Variants in EYS observed in about 807,000 individuals in gnomAD.
EYS encodes the protein protein eyes shut homolog.
A neutral mutation model predicts 282.1 loss-of-function variants in EYS; 250 were observed. That is an observed-to-expected ratio of 0.89 (90% CI 0.80 to 0.98). The LOEUF (loss-of-function observed/expected upper bound fraction) is 0.98, where lower values mean the gene tolerates loss of function less well. Among genes scored for constraint, EYS ranks in the 50% least tolerant of loss-of-function variants. The pLI is 0.00. For synonymous variants in EYS, 1,355 were observed against 1,282.9 expected, an observed-to-expected ratio of 1.06 and a Z score of -1.20; for missense variants, 4,016 against 3,709.0, an observed-to-expected ratio of 1.08 and a Z score of -2.15.
intron 2 of EYS, among the ~76,000 whole-genome samples, chr6:65,620,111 A>G (rs1218159895): frequency 1.3e-5 from 2 of 152,170 alleles, no homozygotes; most frequent in Non-Finnish European, 2.9e-5. Flanking sequence ...ATTGATTGGA[A>G]TAGTTTCAGA....
intron 5 of EYS, among the ~76,000 whole-genome samples, chr6:65,409,268 CA>C (rs1562160586): frequency 6.6e-6 from 1 of 152,114 alleles, no homozygotes; most frequent in Non-Finnish European, 1.5e-5. Flanking sequence ...TAAGATTATG[CA>C]AATAGAGTTA....
intron 29 of EYS, among the ~76,000 whole-genome samples, chr6:64,334,129 GA>G (rs1320295808): frequency 2.0e-5 from 3 of 152,132 alleles, no homozygotes; most frequent in African/African-American, 7.2e-5. Flanking sequence ...AAGCTTTATA[GA>G]CAATTCCTCT....
intron 24 of EYS, among the ~76,000 whole-genome samples, chr6:64,596,065 G>C (rs1052031442): frequency 6.6e-6 from 1 of 151,982 alleles, no homozygotes; most frequent in Non-Finnish European, 1.5e-5. Flanking sequence ...GAGCAACAAA[G>C]AGAGAGAGAG....
At chr6:65,080,289 G>C (rs898096617) in intron 12 of EYS, among the ~76,000 whole-genome samples, 1 of 152,086 alleles carries the variant, frequency 6.6e-6, no homozygotes, top group African/African-American at 2.4e-5. Context: ...CAGTGTGAAT[G>C]ATCTGGAAAG....
chr6:65,172,988 A>C (rs1002846347), intron 12 of EYS, among the ~76,000 whole-genome samples: 5 of 151,230 alleles, frequency 3.3e-5, no homozygotes, highest in Admixed American at 6.6e-5. Context: ...AATTTAAAAA[A>C]AAAAAAACTT....
intron 41 of EYS, among the ~76,000 whole-genome samples, chr6:63,757,026 A>G (rs1372703420): frequency 6.6e-6 from 1 of 152,122 alleles, no homozygotes; most frequent in East Asian, 1.9e-4. Context: ...AAAGAACAGA[A>G]TAACAGCAAT....
At chr6:63,890,488 AAT>A (rs1773379063) in intron 35 of EYS, among the ~76,000 whole-genome samples, 1 of 152,048 alleles carries the variant, frequency 6.6e-6, no homozygotes, top group East Asian at 1.9e-4. Flanking sequence ...CAACCTCCTG[AAT>A]GACTACTGGG....
chr6:65,215,122 A>G (rs2150254851), intron 12 of EYS, among the ~76,000 whole-genome samples: 1 of 152,234 alleles, frequency 6.6e-6, no homozygotes, highest in East Asian at 1.9e-4. Flanking sequence ...AGTAATTATA[A>G]CTTTCAATAT....
intron 26 of EYS, among the ~76,000 whole-genome samples, chr6:64,565,430 A>AC (rs1765534593): frequency 6.6e-6 from 1 of 152,132 alleles, no homozygotes; most frequent in Non-Finnish European, 1.5e-5. Flanking sequence ...ATGGAATACT[A>AC]GTTTTTTTAA....
At chr6:63,861,779 T>C (rs1465522138) in intron 36 of EYS, among the ~76,000 whole-genome samples, 1 of 152,194 alleles carries the variant, frequency 6.6e-6, no homozygotes, top group Non-Finnish European at 1.5e-5. Context: ...GTCCCTTCCA[T>C]GTGAGGACAC....
chr6:63,799,888 G>A (rs914473496), intron 37 of EYS, among the ~76,000 whole-genome samples: 4 of 152,208 alleles, frequency 2.6e-5, no homozygotes, highest in Admixed American at 2.6e-4. Context: ...GACTAGGGCA[G>A]GAATTCCAGG....
At chr6:65,095,052 T>C (rs904839367) in intron 12 of EYS, among the ~76,000 whole-genome samples, 3 of 151,282 alleles carry the variant, frequency 2.0e-5, no homozygotes, top group South Asian at 2.1e-4. Flanking sequence ...GAGACTACTA[T>C]TGGCAATTCC....
chr6:63,778,734 G>A, intron 39 of EYS, among the ~76,000 whole-genome samples: 1 of 152,128 alleles, frequency 6.6e-6, no homozygotes, highest in Non-Finnish European at 1.5e-5. Context: ...TAGGGGAAAA[G>A]ATATAGATGC....
chr6:64,614,742 A>G lies in EYS; in HGVS notation c.3684+2676T>C, dbSNP rs560819982. 1.2e-3 allele frequency among the ~76,000 whole-genome samples: 190 copies of G among 152,188 alleles called. 1 individual carries two copies. Among genetic ancestry groups the G allele is most frequent in the Non-Finnish European group, 2.1e-3 (145 of 67,982 alleles). On this transcript the variant is annotated intron_variant, in intron 24 of 42. Transcript: ENST00000503581. ...AGCTTGGGCAAAATCATTCAACCCC[A>G]CACCCATTTTATATTACAGCGTTGA...
chr6:65,404,185 C>T (rs190036124), intron 6 of EYS, among the ~76,000 whole-genome samples: 17 of 152,062 alleles, frequency 1.1e-4, no homozygotes, highest in African/African-American at 3.6e-4. Flanking sequence ...TTAAAACCAG[C>T]CTCATTACAT....
chr6:64,776,408 T>A (rs1773677966), intron 22 of EYS, among the ~76,000 whole-genome samples: 1 of 152,048 alleles, frequency 6.6e-6, no homozygotes, highest in Admixed American at 6.6e-5. Context: ...CAAAGATTTT[T>A]CACTGTGCTG....
chr6:64,392,703 T>C (rs990936909), intron 28 of EYS, among the ~76,000 whole-genome samples: 1 of 147,210 alleles, frequency 6.8e-6, no homozygotes, highest in Non-Finnish European at 1.5e-5. Flanking sequence ...CACCCTAACA[T>C]CACAATTAAA....
intron 19 of EYS, among the ~76,000 whole-genome samples, chr6:64,837,435 A>G (rs1304204268): frequency 6.6e-6 from 1 of 151,346 alleles, no homozygotes; most frequent in Non-Finnish European, 1.5e-5. Flanking sequence ...GAGAATGTCC[A>G]CTTTCACCAC....
chr6:64,103,776 T>G (rs1772912081), intron 31 of EYS, among the ~76,000 whole-genome samples: 1 of 152,098 alleles, frequency 6.6e-6, no homozygotes. Context: ...GAGCAAGAAG[T>G]GTTTTTAAAA....
Sources: allele counts gnomAD v4.1 joint callset (sites outside exome capture counted in the v4.1 genomes callset), GRCh38; gene constraint gnomAD v4.1.1; transcripts MANE v1.5; gene names NCBI Gene and HGNC (gene_info 2026-07-23, HGNC 2026-07-21).